The following KCMF1 variants were observed in gnomAD, a reference collection of about 807,000 sequenced individuals.
KCMF1 encodes the protein E3 ubiquitin-protein ligase KCMF1.
In KCMF1, 3 loss-of-function variants were observed where a neutral mutation model predicts 41.1. The observed-to-expected ratio is 0.07, with a 90% CI of 0.03 to 0.19. The LOEUF is 0.19. Among genes scored for constraint, KCMF1 ranks in the 10% least tolerant of loss-of-function variants. The pLI is 1.00. For missense variants in KCMF1, 286 were observed against 488.9 expected (o/e 0.58, Z 3.91); for synonymous variants, 142 against 164.5 (o/e 0.86, Z 1.04).
chr2:85,007,296 AGC>A (rs1674497357), intron 1 of KCMF1, among the ~76,000 whole-genome samples: 5 of 152,202 alleles, frequency 3.3e-5, no homozygotes, highest in Admixed American at 2.0e-4. Context: ...GTGAGGAAAG[AGC>A]AGTTTGCACT....
intron 1 of KCMF1, among the ~76,000 whole-genome samples, chr2:85,019,813 C>T (rs531055688): frequency 1.2e-4 from 18 of 150,770 alleles, no homozygotes; most frequent in African/African-American, 3.9e-4. Context: ...TGTATATATA[C>T]ATACGTATAT....
intron 1 of KCMF1, among the ~76,000 whole-genome samples, chr2:85,015,882 G>A (rs1003400421): frequency 6.6e-6 from 1 of 152,176 alleles, no homozygotes. Context: ...CCTCTGTGTG[G>A]CAAGAATTTT....
At chr2:85,018,317 C>G (rs1674836786) in intron 1 of KCMF1, among the ~76,000 whole-genome samples, 1 of 141,766 alleles carries the variant, frequency 7.1e-6, no homozygotes, top group African/African-American at 2.6e-5. Flanking sequence ...TGTCACCAGA[C>G]TGGAGTGCAG....
intron 3 of KCMF1, among the ~76,000 whole-genome samples, chr2:85,041,664 C>T (rs1313988603): frequency 2.0e-5 from 3 of 151,930 alleles, no homozygotes; most frequent in Non-Finnish European, 2.9e-5. Flanking sequence ...TATAACCCAG[C>T]ACTTGTTAAC....
At chr2:84,971,530 G>A in intron 1 of KCMF1, 63 bp downstream of exon 1, 1 of 996,880 alleles carries the variant, frequency 1.0e-6, no homozygotes, top group Non-Finnish European at 1.3e-6. Flanking sequence ...CCCGGGCCGG[G>A]CGCGGCGGAG....
At position 85,059,431 on chromosome 2, in the gene KCMF1, A is replaced by T. The variant is rs1676012251; in HGVS notation, c.*6022A>T. On this transcript the variant is annotated 3_prime_UTR_variant, in exon 7 of 7. Coordinates refer to ENST00000409785, the MANE Select transcript of KCMF1 (RefSeq NM_020122.5). The stretch of plus-strand genomic sequence containing the variant: ...TTTATAACATCACCACCTGTCATGA[A>T]GCTTATCTGTTTTCTGATTTGAATA... 6.6e-6 allele frequency: 1 copy of T among 152,184 alleles called. No individual in the cohort carries two copies. Among genetic ancestry groups the T allele is most frequent in the Non-Finnish European group, 1.5e-5 (1 of 68,028 alleles). The allele number at this position is 152,184 out of a possible 1,614,324, so 9.4% of individuals were successfully genotyped here. A position where few individuals can be genotyped will look rare whatever the true frequency, so the allele number is the denominator to read the frequency against.
intron 1 of KCMF1, among the ~76,000 whole-genome samples, chr2:84,996,512 T>G (rs1195817393): frequency 6.8e-6 from 1 of 148,044 alleles, no homozygotes; most frequent in Non-Finnish European, 1.5e-5. Context: ...CCCGGCTCAC[T>G]GGAACCTCCG....
chr2:85,000,389 C>CT (rs1674299551), intron 1 of KCMF1, among the ~76,000 whole-genome samples: 1 of 152,214 alleles, frequency 6.6e-6, no homozygotes, highest in South Asian at 2.1e-4. Context: ...TCCCAAAGTG[C>CT]TGGGATTACA....
In KCMF1 at chr2:84,973,904, T is replaced by A. The variant is rs1191859234; in HGVS notation, c.16+2437T>A. Among the ~76,000 whole-genome samples the A allele has an allele frequency of 5.4e-5, 8 of 148,982 alleles. No individual in the cohort carries two copies. The Admixed American group carries it at 5.4e-4, about 10-fold the overall frequency. On this transcript the variant is annotated intron_variant, in intron 1 of 6. Transcript: ENST00000409785. ...GTGCAGTGGCGTGATCTCGGCTCAC[T>A]GCAACTTCCACCTCCCAGATTCAAG...
chr2:85,011,408 T>C (rs1332249077), intron 1 of KCMF1, among the ~76,000 whole-genome samples: 2 of 152,234 alleles, frequency 1.3e-5, no homozygotes, highest in African/African-American at 4.8e-5. Context: ...CTTGGTGTAC[T>C]TATTGTATCA....
At chr2:85,038,398 A>G (rs1378496939) in intron 3 of KCMF1, among the ~76,000 whole-genome samples, 1 of 152,204 alleles carries the variant, frequency 6.6e-6, no homozygotes, top group Non-Finnish European at 1.5e-5. Flanking sequence ...TACAAGGCCC[A>G]AAAGGAGTTT....
At chr2:85,010,011 G>C (rs1460405961) in intron 1 of KCMF1, among the ~76,000 whole-genome samples, 1 of 152,184 alleles carries the variant, frequency 6.6e-6, no homozygotes, top group African/African-American at 2.4e-5. Context: ...CTGGGATTCA[G>C]TTCTTTCCAG....
intron 1 of KCMF1, among the ~76,000 whole-genome samples, chr2:85,008,873 T>TC (rs1674586134): frequency 6.6e-6 from 1 of 151,356 alleles, no homozygotes; most frequent in Non-Finnish European, 1.5e-5. Flanking sequence ...CAGGCAGTCC[T>TC]CCCCCGCTCA....
chr2:85,003,831 G>C (rs756205703), intron 1 of KCMF1, among the ~76,000 whole-genome samples: 4 of 152,134 alleles, frequency 2.6e-5, no homozygotes, highest in Admixed American at 6.6e-5. Context: ...AATGAAAGAA[G>C]ATGTAGCAAG....
At chr2:85,039,131 C>G (rs1360936691) in intron 3 of KCMF1, among the ~76,000 whole-genome samples, 2 of 152,280 alleles carry the variant, frequency 1.3e-5, no homozygotes, top group South Asian at 2.1e-4. Context: ...TAAGTTAGTT[C>G]TGATTTGGTA....
intron 1 of KCMF1, chr2:84,972,348 G>A (rs926691549): frequency 2.0e-5 from 3 of 152,224 alleles, no homozygotes; most frequent in African/African-American, 7.2e-5. Flanking sequence ...CCAGTCCCAG[G>A]GCACAAAGAG....
At chr2:85,047,075 T>TG (rs1675685244) in intron 5 of KCMF1, among the ~76,000 whole-genome samples, 1 of 152,194 alleles carries the variant, frequency 6.6e-6, no homozygotes, top group Admixed American at 6.5e-5. Context: ...ATTATCCAAA[T>TG]GCCCATTTCA....
At chr2:85,006,727 T>G (rs1674480824) in intron 1 of KCMF1, among the ~76,000 whole-genome samples, 1 of 152,174 alleles carries the variant, frequency 6.6e-6, no homozygotes, top group Admixed American at 6.5e-5. Context: ...GTGAAATGTG[T>G]CATAACATTT....
chr2:85,024,395 C>T (rs1460453873), intron 1 of KCMF1, among the ~76,000 whole-genome samples: 1 of 152,176 alleles, frequency 6.6e-6, no homozygotes, highest in African/African-American at 2.4e-5. Context: ...ATTGCTTGAA[C>T]CCAGGAGGCG....
Sources: gnomAD v4.1 joint callset for allele counts (sites outside exome capture counted in the v4.1 genomes callset) on GRCh38, gnomAD v4.1.1 for gene constraint, MANE v1.5 for transcripts, NCBI Gene and HGNC (gene_info 2026-07-23, HGNC 2026-07-21) for gene names.